The following EYS variants were observed in gnomAD, a reference collection of about 807,000 sequenced individuals.
EYS encodes EGF-like photoreceptor maintenance factor.
Under a neutral mutation model 282.1 loss-of-function variants are expected in EYS, and 250 were observed. The observed-to-expected ratio is 0.89, with a 90% CI of 0.80 to 0.98. The LOEUF (loss-of-function observed/expected upper bound fraction) is 0.98. Among genes scored for constraint, EYS ranks in the 50% least tolerant of loss-of-function variants. The pLI is 0.00. For synonymous variants in EYS, 1,355 were observed against 1,282.9 expected, an observed-to-expected ratio of 1.06 and a Z score of -1.20; for missense variants, 4,016 against 3,709.0, an observed-to-expected ratio of 1.08 and a Z score of -2.15.
intron 14 of EYS, among the ~76,000 whole-genome samples, chr6:64,971,232 A>G (rs1770283000): frequency 6.6e-6 from 1 of 152,076 alleles, no homozygotes; most frequent in Non-Finnish European, 1.5e-5. Flanking sequence ...CCCAGATGCC[A>G]ATAAGAAAAT....
intron 11 of EYS, among the ~76,000 whole-genome samples, chr6:65,313,868 C>T (rs1399417503): frequency 1.3e-5 from 2 of 152,114 alleles, no homozygotes; most frequent in East Asian, 3.9e-4. Flanking sequence ...TGCTCAAAAG[C>T]CTCCAAGAGC....
At chr6:65,321,474 G>C (rs944294211) in intron 11 of EYS, among the ~76,000 whole-genome samples, 2 of 152,102 alleles carry the variant, frequency 1.3e-5, no homozygotes, top group Non-Finnish European at 2.9e-5. Flanking sequence ...GTTTCTGGGA[G>C]TGTCACTGAT....
intron 26 of EYS, among the ~76,000 whole-genome samples, chr6:64,554,347 T>A (rs1765176914): frequency 1.3e-5 from 2 of 152,044 alleles, no homozygotes; most frequent in Non-Finnish European, 2.9e-5. Context: ...TCATTTTCAA[T>A]TTGAAGAAAA....
At chr6:64,835,126 C>T (rs1384360827) in intron 19 of EYS, among the ~76,000 whole-genome samples, 1 of 151,654 alleles carries the variant, frequency 6.6e-6, no homozygotes, top group Non-Finnish European at 1.5e-5. Context: ...TAGTTTAATT[C>T]CCCTGATGCA....
At chr6:64,228,525 CTGAT>C (rs1174633697) in intron 31 of EYS, among the ~76,000 whole-genome samples, 1 of 151,932 alleles carries the variant, frequency 6.6e-6, no homozygotes, top group African/African-American at 2.4e-5. Flanking sequence ...GTCATAGTGT[CTGAT>C]TATCATGTAC....
intron 36 of EYS, among the ~76,000 whole-genome samples, chr6:63,836,472 A>C (rs1771808393): frequency 6.6e-6 from 1 of 152,070 alleles, no homozygotes; most frequent in Non-Finnish European, 1.5e-5. Flanking sequence ...TGTTAAAAAA[A>C]ATTCAATATT....
chr6:65,087,713 G>T (rs933000046), intron 12 of EYS, among the ~76,000 whole-genome samples: 2 of 152,162 alleles, frequency 1.3e-5, no homozygotes, highest in South Asian at 2.1e-4. Flanking sequence ...AAAGGAATAT[G>T]TATATTTGCT....
intron 24 of EYS, among the ~76,000 whole-genome samples, chr6:64,593,885 G>GTAT (rs1766487289): frequency 6.6e-6 from 1 of 152,096 alleles, no homozygotes; most frequent in Non-Finnish European, 1.5e-5. Flanking sequence ...TGAAAATTGC[G>GTAT]ATAATGTATA....
chr6:64,204,758 AG>A (rs1348951663), intron 31 of EYS, among the ~76,000 whole-genome samples: 1 of 152,152 alleles, frequency 6.6e-6, no homozygotes, highest in Non-Finnish European at 1.5e-5. Flanking sequence ...AATATCTAAT[AG>A]GGATTTGTAT....
intron 2 of EYS, among the ~76,000 whole-genome samples, chr6:65,564,842 C>G (rs889477200): frequency 6.6e-6 from 1 of 152,042 alleles, no homozygotes; most frequent in African/African-American, 2.4e-5. Flanking sequence ...GAACAGGCAA[C>G]CCACAGAATG....
At chr6:64,830,932 C>G (rs1453131695) in intron 19 of EYS, among the ~76,000 whole-genome samples, 1 of 151,928 alleles carries the variant, frequency 6.6e-6, no homozygotes. Context: ...TCTGCCTTGC[C>G]CAAGTTTGGG....
At chr6:64,016,924 C>T (rs1768920492) in intron 33 of EYS, among the ~76,000 whole-genome samples, 1 of 152,148 alleles carries the variant, frequency 6.6e-6, no homozygotes, top group Non-Finnish European at 1.5e-5. Flanking sequence ...GTATCCCTGT[C>T]TCCACCACTC....
intron 40 of EYS, among the ~76,000 whole-genome samples, chr6:63,766,690 T>C (rs1769797261): frequency 6.6e-6 from 1 of 152,044 alleles, no homozygotes; most frequent in Non-Finnish European, 1.5e-5. Context: ...GGTACTAGCA[T>C]CATCCTCATT....
intron 35 of EYS, among the ~76,000 whole-genome samples, chr6:63,898,005 C>T (rs551941801): frequency 1.3e-5 from 2 of 152,192 alleles, no homozygotes; most frequent in South Asian, 2.1e-4. Flanking sequence ...ACACTGTGAC[C>T]GTGGCAGTAG....
At chr6:65,604,659 C>T (rs868553599) in intron 2 of EYS, among the ~76,000 whole-genome samples, 1 of 151,606 alleles carries the variant, frequency 6.6e-6, no homozygotes, top group Non-Finnish European at 1.5e-5. Flanking sequence ...GGTATTTAAG[C>T]GAAAGTACGC....
In EYS at chr6:64,263,631, A is replaced by G. The variant is rs572400684; in HGVS notation, c.6192-32807T>C. Among the ~76,000 whole-genome samples the G allele has an allele frequency of 1.6e-4, 25 of 152,234 alleles. 1 individual carries two copies. In the East Asian group the frequency reaches 4.8e-3, roughly 29 times the overall value. On this transcript the variant is annotated intron_variant, in intron 30 of 42. Transcript: ENST00000503581. ...TGTTGTTTTTAATTTATCAATATTC[A>G]TTTCCCAATAAAGGAAGTCATGGCT...
chr6:63,738,657 C>T (rs1272704530), intron 41 of EYS, among the ~76,000 whole-genome samples: 3 of 151,310 alleles, frequency 2.0e-5, no homozygotes, highest in African/African-American at 7.3e-5. Context: ...TTAATGGGTG[C>T]AGCACACCAG....
chr6:64,495,915 T>C (rs1776875122), intron 26 of EYS, among the ~76,000 whole-genome samples: 2 of 151,910 alleles, frequency 1.3e-5, no homozygotes, highest in Admixed American at 6.6e-5. Flanking sequence ...TCTTCAATCA[T>C]TGTTTTGAAA....
At chr6:64,828,486 A>T (rs9360086) in intron 19 of EYS, among the ~76,000 whole-genome samples, 20,574 of 151,960 alleles carry the variant, frequency 0.14, 1,711 homozygotes, top group East Asian at 0.44. Context: ...AATATGATGC[A>T]TAGATTTTAT....
Sources: allele counts gnomAD v4.1 joint callset (sites outside exome capture counted in the v4.1 genomes callset), GRCh38; gene constraint gnomAD v4.1.1; transcripts MANE v1.5; gene names NCBI Gene and HGNC (gene_info 2026-07-23, HGNC 2026-07-21).